DCAF15: variants seen among roughly 807,000 people sequenced by gnomAD.
DCAF15 encodes DDB1- and CUL4-associated factor 15.
DCAF15 carries 24 observed loss-of-function variants against 68.0 expected under a neutral mutation model. The ratio of observed to expected loss-of-function variants is 0.35; its 90% CI spans 0.26 to 0.50. The LOEUF (loss-of-function observed/expected upper bound fraction) is 0.50. DCAF15 is among the 20% of genes least tolerant of loss of function. The pLI, the probability that DCAF15 is intolerant of heterozygous loss-of-function variation, is 0.98. For synonymous variants in DCAF15, 376 were observed against 341.6 expected, an observed-to-expected ratio of 1.10 and a Z score of -1.11; for missense variants, 627 against 830.6, an observed-to-expected ratio of 0.75 and a Z score of 3.01.
rs1229253903 is a variant in DCAF15, at chr19:13,953,034, C to G, written c.132+390C>G. 3 of 1,462,338 alleles carry G rather than the reference C, an allele frequency of 2.1e-6. No homozygotes were observed. The African/African-American group carries it at 4.2e-5, about 21-fold the overall frequency. The allele number at this position is 1,462,338 out of a possible 1,614,324, so 90.6% of individuals were successfully genotyped here. A position where few individuals can be genotyped will look rare whatever the true frequency, so the allele number is the denominator to read the frequency against. ...ACCTTCCCGCCCCCTTTGCAGAGCC[C>G]CTGCCGCTGGCTTTGGGCTTCCTCC... is the stretch of plus-strand genomic sequence containing the variant. On this transcript the variant is annotated intron_variant, in intron 1 of 12. Coordinates refer to ENST00000254337, the MANE Select transcript of DCAF15 (RefSeq NM_138353.4).
intron 6 of DCAF15, among the ~76,000 whole-genome samples, chr19:13,957,982 G>A (rs989031365): frequency 6.6e-6 from 1 of 152,172 alleles, no homozygotes; most frequent in Non-Finnish European, 1.5e-5. Context: ...TCGGGGAATG[G>A]GCAGGATTAA....
intron 6 of DCAF15, among the ~76,000 whole-genome samples, chr19:13,958,317 C>G (rs1568449878): frequency 3.9e-5 from 6 of 151,994 alleles, no homozygotes; most frequent in Admixed American, 2.6e-4. Context: ...ACCTTCTGTT[C>G]CCCGCCCTGT....
chr19:13,954,876 C>T (rs1257732302), intron 3 of DCAF15, among the ~76,000 whole-genome samples: 1 of 151,902 alleles, frequency 6.6e-6, no homozygotes, highest in East Asian at 1.9e-4. Flanking sequence ...GAGGCCAAGG[C>T]GGGAGGATCA....
Position 13,956,533 on chromosome 19 carries a change from C to T in DCAF15, c.784+11C>T, listed in dbSNP as rs73924873. ...CCGTCCACTCGGCAGGTAGGCCCTG[C>T]GGTCTCGTGGCCACCCGGCAACGCG... On this transcript the variant is annotated intron_variant, in intron 6 of 12. Coordinates refer to ENST00000254337, the MANE Select transcript of DCAF15 (RefSeq NM_138353.4). 2.4e-3 allele frequency: 3,936 copies of T among 1,611,674 alleles called. 24 individuals carry two copies. The highest frequency in any genetic ancestry group is 0.016 in the Middle Eastern group (97 of 6,056).
intron 6 of DCAF15, among the ~76,000 whole-genome samples, chr19:13,957,350 C>G (rs1973406229): frequency 6.6e-6 from 1 of 152,268 alleles, no homozygotes; most frequent in South Asian, 2.1e-4. Context: ...TATGACTGAC[C>G]CAGCTGCCCT....
chr19:13,952,912 C>T (rs1221087118), intron 1 of DCAF15: 2 of 829,718 alleles, frequency 2.4e-6, no homozygotes, highest in East Asian at 3.1e-5. Flanking sequence ...GGAGGGGGCT[C>T]GGAGGGAGGC....
Position 13,960,880 on chromosome 19 carries a change from G to T in DCAF15, c.1748-60G>T. ...GGGCCAGAAGCAAGTCAGGTGGAGGGTGTGGCCGCAGGGCCAGGCAGGCAG... is the reference window on the plus strand; with the variant it reads ...GGGCCAGAAGCAAGTCAGGTGGAGGTTGTGGCCGCAGGGCCAGGCAGGCAG... On this transcript the variant is annotated intron_variant, in intron 12 of 12. Coordinates refer to ENST00000254337, the MANE Select transcript of DCAF15 (RefSeq NM_138353.4). The T allele has an allele frequency of 3.7e-6, 6 of 1,607,840 alleles. 1 individual carries two copies. The highest frequency in any genetic ancestry group is 3.3e-5 in the South Asian group (3 of 90,836).
Position 13,959,613 on chromosome 19 carries a change from C to T in DCAF15, c.1251C>T (p.Phe417=), listed in dbSNP as rs148856757. 4.3e-5 allele frequency: 70 copies of T among 1,612,490 alleles called. 1 individual carries two copies. Among genetic ancestry groups the T allele is most frequent in the South Asian group, 1.8e-4 (16 of 91,068 alleles). ...ELEDDKISLP[F]VVTDLRGRNL... is the part of the protein sequence containing the mutation. ...AGGACGACAAGATCTCCCTGCCCTT[C>T]GTGGTGACTGATCTTCGTGGCCGCA... The change falls in exon 8 of 13, where the codon TTC becomes TTT. Residue 417 remains phenylalanine, a synonymous_variant. Transcript: ENST00000254337.
rs1215965448 is a variant in DCAF15 at position 13,960,925 on chromosome 19, C to T, written c.1748-15C>T. 6.2e-7 allele frequency: 1 copy of T among 1,613,986 alleles called. No homozygotes were observed. Among genetic ancestry groups the T allele is most frequent in the East Asian group, 2.2e-5 (1 of 44,890 alleles). On this transcript the variant is annotated splice_polypyrimidine_tract_variant and intron_variant, in intron 12 of 12. Coordinates refer to ENST00000254337, the MANE Select transcript of DCAF15 (RefSeq NM_138353.4). Reference sequence around the variant, plus strand: ...AGGCAGGGGCTCTATGCTTTGTCTCCACCTGTCCCTGTAGGGTGCTCCCTG... The same window carrying T: ...AGGCAGGGGCTCTATGCTTTGTCTCTACCTGTCCCTGTAGGGTGCTCCCTG...
Position 13,960,449 on chromosome 19 carries a change from C to T in DCAF15, c.1632-16C>T, listed in dbSNP as rs775926928. On this transcript the variant is annotated splice_polypyrimidine_tract_variant and intron_variant, in intron 11 of 12. Coordinates refer to ENST00000254337, the MANE Select transcript of DCAF15 (RefSeq NM_138353.4). ...CGGCCAAGGCGACGAGAGCCACTCA[C>T]CCCCTGGCCCCGCAGCGGCAGTGTC... 4 of 1,611,590 alleles carry T rather than the reference C, an allele frequency of 2.5e-6. No homozygotes were observed. Among genetic ancestry groups the T allele is most frequent in the East Asian group, 2.2e-5 (1 of 44,858 alleles).
Position 13,959,456 on chromosome 19 carries a change from GA to G in DCAF15, c.1197del (p.Glu400ArgfsTer20), listed in dbSNP as rs1304164185. 6.2e-7 allele frequency: 1 copy of G among 1,609,836 alleles called. No homozygotes were observed. The highest frequency in any genetic ancestry group is 8.5e-7 in the Non-Finnish European group (1 of 1,178,632). ...AAGCTGTACTATGTGCTGGAGTCCG[GA>G]GAGGGGACGGAGCCGGAGGATGGTG... ...YTKLYYVLES[G>X]EGTEPEDELE... On this transcript the variant is annotated frameshift_variant, in exon 7 of 13. Transcript: ENST00000254337. LOFTEE classifies it high-confidence loss of function.
intron 8 of DCAF15, 36 bp downstream of exon 8, chr19:13,959,709 C>T (rs772471526): frequency 1.7e-5 from 27 of 1,612,460 alleles, no homozygotes; most frequent in South Asian, 6.6e-5. Flanking sequence ...AGGACAGTCC[C>T]GGGGAGCTGC....
At chr19:13,958,387 C>A (rs1249107281) in intron 6 of DCAF15, among the ~76,000 whole-genome samples, 1 of 152,078 alleles carries the variant, frequency 6.6e-6, no homozygotes, top group East Asian at 1.9e-4. Context: ...TCAGATGTGA[C>A]CTTGGGCATG....
intron 6 of DCAF15, among the ~76,000 whole-genome samples, chr19:13,957,676 G>A (rs1277198605): frequency 6.6e-6 from 1 of 152,192 alleles, no homozygotes. Context: ...GGGAGGCTGA[G>A]GCAGGCGGAT....
chr19:13,960,547 G>A lies in DCAF15; in HGVS notation c.1714G>A (p.Val572Ile), dbSNP rs375501480. ...GGTGCCGGAGAGCAGCGGCCGCTAC[G>A]TCAACAGGATGACCAATGAGGCGCT... ...WLVPESSGRY[V>I]NRMTNEALHK... The change falls in exon 12 of 13, where the codon GTC becomes ATC. Residue 572 changes from valine (V) to isoleucine (I), a missense_variant. Around this residue, in one of 3 missense-constraint regions of DCAF15, gnomAD observed 118 missense variants for 211.8 expected, o/e 0.56. Coordinates refer to ENST00000254337, the MANE Select transcript of DCAF15 (RefSeq NM_138353.4). 110 of 1,599,662 alleles carry A rather than the reference G, an allele frequency of 6.9e-5. No individual in the cohort carries two copies. Among genetic ancestry groups the A allele is most frequent in the Admixed American group, 1.1e-4 (6 of 56,838 alleles).
At chr19:13,959,721 G>A (rs202157006) in intron 8 of DCAF15, 46 bp from the exon 9 acceptor site, 72 of 1,612,212 alleles carry the variant, frequency 4.5e-5, no homozygotes, top group Middle Eastern at 1.6e-4. Flanking sequence ...GGGAGCTGCC[G>A]GGGGGCAGTT....
rs915601202 is a variant in DCAF15 at position 13,960,538 on chromosome 19, G to A, written c.1705G>A (p.Gly569Ser). ...GAAGTGGCTGGTGCCGGAGAGCAGC[G>A]GCCGCTACGTCAACAGGATGACCAA... ...VMKWLVPESSGRYVNRMTNEA... is the reference protein window; with the variant it reads ...VMKWLVPESSSRYVNRMTNEA... Residue 569 changes from glycine to serine, a missense_variant, in exon 12 of 13, where the codon GGC (glycine) becomes AGC (serine). By Grantham distance (56) the Gly-to-Ser change is moderately conservative (BLOSUM62 0). This residue lies in a region of DCAF15 where 118 missense variants were observed against 211.8 expected (regional missense o/e 0.56). Coordinates refer to ENST00000254337, the MANE Select transcript of DCAF15 (RefSeq NM_138353.4). The A allele has an allele frequency of 3.1e-6, 5 of 1,601,786 alleles. No individual in the cohort carries two copies. Among genetic ancestry groups the A allele is most frequent in the African/African-American group, 2.7e-5 (2 of 74,850 alleles).
intron 3 of DCAF15, 76 bp from the exon 4 acceptor site, chr19:13,955,836 A>C: frequency 6.8e-7 from 1 of 1,473,556 alleles, no homozygotes; most frequent in Non-Finnish European, 9.4e-7. Flanking sequence ...AGCCCTGATG[A>C]GGGACTGCAT....
chr19:13,960,099 C>G lies in DCAF15; in HGVS notation c.1526+30C>G, dbSNP rs755448232. On this transcript the variant is annotated intron_variant, in intron 10 of 12. Coordinates refer to ENST00000254337, the MANE Select transcript of DCAF15 (RefSeq NM_138353.4). Reference sequence around the variant, plus strand: ...GCGCGGGGATCCTGCCCTCTCTGTCCACTAGGGGGGCCACTGGCAGACACT... The same window carrying G: ...GCGCGGGGATCCTGCCCTCTCTGTCGACTAGGGGGGCCACTGGCAGACACT... The G allele has an allele frequency of 2.5e-6, 4 of 1,611,000 alleles. No individual in the cohort carries two copies. In the East Asian group the frequency reaches 8.9e-5, roughly 36 times the overall value.
Sources: allele counts gnomAD v4.1 joint callset (sites outside exome capture counted in the v4.1 genomes callset), GRCh38; gene constraint gnomAD v4.1.1; regional missense constraint gnomAD v4.1.1; transcripts MANE v1.5; gene names NCBI Gene and HGNC (gene_info 2026-07-23, HGNC 2026-07-21).